PPP4R2: variants seen among roughly 807,000 people sequenced by gnomAD.
PPP4R2 encodes protein phosphatase 4 regulatory subunit 2, also known as serine/threonine-protein phosphatase 4 regulatory subunit 2.
In PPP4R2, 13 loss-of-function variants were observed where a neutral mutation model predicts 47.2. The observed-to-expected ratio is 0.28, with a 90% CI of 0.18 to 0.44. PPP4R2 has a LOEUF of 0.44. PPP4R2 is among the 20% of genes least tolerant of loss of function. PPP4R2 has a pLI of 1.00. For synonymous variants in PPP4R2, 151 were observed against 163.3 expected, an observed-to-expected ratio of 0.92 and a Z score of 0.57; for missense variants, 421 against 491.2, an observed-to-expected ratio of 0.86 and a Z score of 1.35.
intron 3 of PPP4R2, among the ~76,000 whole-genome samples, chr3:73,055,088 G>C (rs1702702362): frequency 6.6e-6 from 1 of 152,030 alleles, no homozygotes; most frequent in African/African-American, 2.4e-5. Flanking sequence ...ATTAATTAGG[G>C]TAAGTTATTT....
At chr3:73,054,728 A>G (rs550494105) in intron 3 of PPP4R2, among the ~76,000 whole-genome samples, 32 of 152,264 alleles carry the variant, frequency 2.1e-4, no homozygotes, top group Admixed American at 1.2e-3. Context: ...AAAGTTGCTT[A>G]TATAATTTAA....
chr3:73,009,840 T>C (rs895832346), intron 2 of PPP4R2, among the ~76,000 whole-genome samples: 1 of 152,212 alleles, frequency 6.6e-6, no homozygotes, highest in Non-Finnish European at 1.5e-5. Flanking sequence ...GAGAAATGTA[T>C]TTTAGATCTT....
At chr3:73,035,893 G>A (rs1267271660) in intron 2 of PPP4R2, among the ~76,000 whole-genome samples, 1 of 152,140 alleles carries the variant, frequency 6.6e-6, no homozygotes, top group Non-Finnish European at 1.5e-5. Context: ...TGGGATTACA[G>A]GCATGAGCCA....
intron 2 of PPP4R2, among the ~76,000 whole-genome samples, chr3:73,025,070 GC>G (rs1001203825): frequency 5.9e-5 from 9 of 152,084 alleles, no homozygotes; most frequent in African/African-American, 2.2e-4. Context: ...GATTGGCCTG[GC>G]CCTGGTCAGG....
intron 3 of PPP4R2, among the ~76,000 whole-genome samples, chr3:73,050,216 C>T (rs1020142802): frequency 6.9e-4 from 105 of 152,256 alleles, no homozygotes; most frequent in African/African-American, 2.5e-3. Context: ...CTACCTGCCT[C>T]AGCCTCCCAA....
intron 2 of PPP4R2, among the ~76,000 whole-genome samples, chr3:73,031,448 CAGGAG>C (rs1702162411): frequency 6.6e-6 from 1 of 152,042 alleles, no homozygotes; most frequent in Non-Finnish European, 1.5e-5. Context: ...GAGGCTGAGG[CAGGAG>C]AACCACTTGA....
intron 2 of PPP4R2, among the ~76,000 whole-genome samples, chr3:73,022,358 G>T (rs568467684): frequency 6.6e-6 from 1 of 151,994 alleles, no homozygotes; most frequent in Non-Finnish European, 1.5e-5. Flanking sequence ...TAGGTTAGGG[G>T]CCTAAGACTG....
intron 2 of PPP4R2, among the ~76,000 whole-genome samples, chr3:73,002,590 G>T (rs967104109): frequency 6.6e-6 from 1 of 150,538 alleles, no homozygotes; most frequent in African/African-American, 2.5e-5. Flanking sequence ...AGTAAACATG[G>T]GAGTGCACAG....
At chr3:73,008,707 A>G (rs1220632979) in intron 2 of PPP4R2, among the ~76,000 whole-genome samples, 2 of 152,258 alleles carry the variant, frequency 1.3e-5, no homozygotes, top group African/African-American at 4.8e-5. Flanking sequence ...CTTGAATAAT[A>G]AAGTATATAG....
At chr3:72,999,946 C>G (rs1206931572) in intron 2 of PPP4R2, among the ~76,000 whole-genome samples, 2 of 152,176 alleles carry the variant, frequency 1.3e-5, no homozygotes, top group Admixed American at 6.5e-5. Flanking sequence ...ATCTTTGATA[C>G]TGACATTTGC....
intron 3 of PPP4R2, among the ~76,000 whole-genome samples, chr3:73,053,575 T>C (rs1047883327): frequency 2.0e-5 from 3 of 152,076 alleles, no homozygotes; most frequent in Non-Finnish European, 2.9e-5. Flanking sequence ...GGTGCAGACA[T>C]TAGTTTACTT....
intron 2 of PPP4R2, among the ~76,000 whole-genome samples, chr3:73,020,975 A>G (rs1701948080): frequency 6.6e-6 from 1 of 152,158 alleles, no homozygotes; most frequent in Non-Finnish European, 1.5e-5. Flanking sequence ...GTTTCAACAC[A>G]TGAATTTTAG....
intron 2 of PPP4R2, among the ~76,000 whole-genome samples, chr3:73,004,944 CGTGTGTGT>C (rs67945272): frequency 0.2 from 23,066 of 116,844 alleles, 2,177 homozygotes; most frequent in East Asian, 0.34. Context: ...GAGTCGGAGT[CGTGTGTGT>C]GTGTGTGTGT....
chr3:73,029,193 G>GT (rs1291283792), intron 2 of PPP4R2, among the ~76,000 whole-genome samples: 1 of 152,116 alleles, frequency 6.6e-6, no homozygotes, highest in Non-Finnish European at 1.5e-5. Context: ...CTCCCACCTT[G>GT]TCCTCCCAAA....
rs1363943194 is a variant in PPP4R2, at chr3:73,067,486, A to G, written c.*1764A>G. 5 of 152,182 alleles carry G rather than the reference A, an allele frequency of 3.3e-5. No individual in the cohort carries two copies. The highest frequency in any genetic ancestry group is 1.2e-4 in the African/African-American group (5 of 41,452). The allele number at this position is 152,182 out of a possible 1,614,324, so 9.4% of individuals were successfully genotyped here. On this transcript the variant is annotated 3_prime_UTR_variant, in exon 9 of 9. Coordinates refer to ENST00000356692, the MANE Select transcript of PPP4R2 (RefSeq NM_174907.4). ...AGATGATATATTTATGACTATGTCTAATAGTTGAAATAAAATCTGAATATT... is the reference window on the plus strand; with the variant it reads ...AGATGATATATTTATGACTATGTCTGATAGTTGAAATAAAATCTGAATATT...
chr3:73,053,895 C>T (rs1219809113), intron 3 of PPP4R2, among the ~76,000 whole-genome samples: 9 of 121,236 alleles, frequency 7.4e-5, no homozygotes, highest in African/African-American at 2.7e-4. Flanking sequence ...GGTGACAGAG[C>T]GAGACACCAT....
At chr3:73,029,278 A>C (rs1337510743) in intron 2 of PPP4R2, among the ~76,000 whole-genome samples, 1 of 152,222 alleles carries the variant, frequency 6.6e-6, no homozygotes, top group East Asian at 1.9e-4. Context: ...TGACACTATC[A>C]GACTTAAGCA....
intron 3 of PPP4R2, among the ~76,000 whole-genome samples, chr3:73,050,691 T>C (rs1702593359): frequency 6.6e-6 from 1 of 152,360 alleles, no homozygotes; most frequent in African/African-American, 2.4e-5. Context: ...TTAGAGAAGC[T>C]TCAACATGTC....
chr3:73,016,813 C>CTTTTTTT (rs1207946652), intron 2 of PPP4R2, among the ~76,000 whole-genome samples: 2 of 72,886 alleles, frequency 2.7e-5, no homozygotes, highest in Non-Finnish European at 4.9e-5. Context: ...TTCATTGTTT[C>CTTTTTTT]TTTTTTTTTT....
Sources: allele counts gnomAD v4.1 joint callset (sites outside exome capture counted in the v4.1 genomes callset), GRCh38; gene constraint gnomAD v4.1.1; transcripts MANE v1.5; gene names NCBI Gene and HGNC (gene_info 2026-07-23, HGNC 2026-07-21).